The following PREX1 variants were observed in gnomAD, a reference collection of about 807,000 sequenced individuals.
The protein encoded by PREX1 is phosphatidylinositol-3,4,5-trisphosphate dependent Rac exchange factor 1.
PREX1 carries 41 observed loss-of-function variants against 198.3 expected under a neutral mutation model. The observed-to-expected ratio is 0.21, with a 90% CI of 0.16 to 0.27. The LOEUF (loss-of-function observed/expected upper bound fraction) is 0.27, where lower values mean the gene tolerates loss of function less well. PREX1 is among the 10% of genes least tolerant of loss of function. The pLI is 1.00. For synonymous variants in PREX1, 843 were observed against 887.2 expected (o/e 0.95, Z 0.89); for missense variants, 1,620 against 2,200.7 (o/e 0.74, Z 5.28).
At position 48,772,713 on chromosome 20, in the gene PREX1, T is replaced by A. The variant is rs2090242438; in HGVS notation, c.220-24833A>T. Reference sequence around the variant, plus strand: ...GAGGAAGGGGCAGAGCAGGCTGGGCTAGGACTCACCCTGTCCACTGCCGTC... The same window carrying A: ...GAGGAAGGGGCAGAGCAGGCTGGGCAAGGACTCACCCTGTCCACTGCCGTC... On this transcript the variant is annotated intron_variant, in intron 1 of 39. Transcript: ENST00000371941. 6.6e-5 allele frequency among the ~76,000 whole-genome samples: 10 copies of A among 152,290 alleles called. No homozygotes were observed. The South Asian group carries it at 2.1e-3, about 32-fold the overall frequency.
At chr20:48,811,511 T>C (rs567372575) in intron 1 of PREX1, among the ~76,000 whole-genome samples, 27 of 152,092 alleles carry the variant, frequency 1.8e-4, no homozygotes, top group Middle Eastern at 6.8e-3. Flanking sequence ...CAATGACTTC[T>C]GACCAGAGTT....
At chr20:48,626,003 T>C in intron 39 of PREX1, 76 bp from the exon 40 acceptor site, 1 of 1,395,356 alleles carries the variant, frequency 7.2e-7, no homozygotes, top group East Asian at 2.9e-5. Context: ...CATTTTTACC[T>C]GAACATGTAA....
At chr20:48,637,460 G>A (rs560152001) in intron 31 of PREX1, among the ~76,000 whole-genome samples, 33 of 152,332 alleles carry the variant, frequency 2.2e-4, no homozygotes, top group African/African-American at 7.0e-4. Context: ...CCCTAACATC[G>A]TCCTCTATCC....
chr20:48,701,860 C>T lies in PREX1; in HGVS notation c.784-974G>A, dbSNP rs967894875. ...AGTTCACTGAATGTCAGTGAGGTTC[C>T]GGGCAGCGTGGCTGGGAAAGGCATC... On this transcript the variant is annotated intron_variant, in intron 6 of 39. Transcript: ENST00000371941. Among the ~76,000 whole-genome samples, 6 of 152,042 alleles carry T rather than the reference C, an allele frequency of 3.9e-5. No individual in the cohort carries two copies. In the East Asian group the frequency reaches 5.8e-4, roughly 15 times the overall value.
intron 1 of PREX1, among the ~76,000 whole-genome samples, chr20:48,792,851 C>T (rs540918702): frequency 2.3e-4 from 33 of 145,562 alleles, no homozygotes; most frequent in African/African-American, 8.9e-4. Flanking sequence ...CACACACACA[C>T]ACATAGTATG....
At chr20:48,640,394 A>G (rs1413999054) in intron 29 of PREX1, among the ~76,000 whole-genome samples, 1 of 152,214 alleles carries the variant, frequency 6.6e-6, no homozygotes, top group Non-Finnish European at 1.5e-5. Context: ...TGGCCCCACC[A>G]TTCAGAGGCC....
At chr20:48,807,623 G>C (rs1189656646) in intron 1 of PREX1, among the ~76,000 whole-genome samples, 3 of 152,008 alleles carry the variant, frequency 2.0e-5, no homozygotes, top group African/African-American at 7.3e-5. Flanking sequence ...CTGAATCAAA[G>C]GGTATCGTGG....
intron 5 of PREX1, among the ~76,000 whole-genome samples, chr20:48,715,874 CTAT>C (rs1351338980): frequency 2.0e-5 from 3 of 152,126 alleles, no homozygotes; most frequent in Non-Finnish European, 4.4e-5. Context: ...GAGGTGGGTA[CTAT>C]TATCATCCCA....
At chr20:48,845,090 T>C in the PREX1 span, among the ~76,000 whole-genome samples, 2 of 152,240 alleles carry the variant, frequency 1.3e-5, no homozygotes, top group Non-Finnish European at 2.9e-5. Flanking sequence ...CAAGTCTTTT[T>C]TCCATTCCTT....
intron 1 of PREX1, among the ~76,000 whole-genome samples, chr20:48,773,170 G>A (rs1174549182): frequency 1.3e-5 from 2 of 150,486 alleles, no homozygotes; most frequent in African/African-American, 2.4e-5. Context: ...GGGAGGCTGA[G>A]GCAGGAGAAT....
the PREX1 span, among the ~76,000 whole-genome samples, chr20:48,878,471 C>G: frequency 1.3e-5 from 2 of 152,076 alleles, no homozygotes; most frequent in Non-Finnish European, 2.9e-5. Context: ...TCCCGAGTAG[C>G]TGGGATTACA....
upstream of PREX1, among the ~76,000 whole-genome samples, chr20:48,830,512 T>C (rs941409267): frequency 6.6e-6 from 1 of 152,174 alleles, no homozygotes; most frequent in Non-Finnish European, 1.5e-5. Context: ...TCTCAGCCCA[T>C]GACCAAGGAA....
chr20:48,885,611 T>C, the PREX1 span, among the ~76,000 whole-genome samples: 2 of 151,666 alleles, frequency 1.3e-5, no homozygotes, highest in African/African-American at 4.8e-5. Context: ...ATCATGTTTA[T>C]AGCAGCTTTA....
At chr20:48,814,236 T>C (rs900668273) in intron 1 of PREX1, among the ~76,000 whole-genome samples, 5 of 152,238 alleles carry the variant, frequency 3.3e-5, no homozygotes. Context: ...CAGTCCCCAT[T>C]AAGTGCTAAT....
intron 5 of PREX1, among the ~76,000 whole-genome samples, chr20:48,713,247 T>C (rs2123099168): frequency 6.6e-6 from 1 of 152,202 alleles, no homozygotes; most frequent in Admixed American, 6.5e-5. Context: ...AGGTAAGGAC[T>C]TCAAGACCAG....
chr20:48,641,824 AAGAGAGAG>A (rs1173427956), intron 29 of PREX1, among the ~76,000 whole-genome samples: 1 of 114,888 alleles, frequency 8.7e-6, no homozygotes, highest in Non-Finnish European at 1.7e-5. Context: ...GAAAGAAAGA[AAGAGAGAG>A]AGAGAGAGAG....
intron 1 of PREX1, among the ~76,000 whole-genome samples, chr20:48,790,949 A>G (rs563558315): frequency 1.5e-4 from 23 of 152,116 alleles, no homozygotes; most frequent in African/African-American, 4.6e-4. Context: ...CACCCTCCCC[A>G]GTCAACTGAA....
At chr20:48,781,092 G>C (rs2090287749) in intron 1 of PREX1, among the ~76,000 whole-genome samples, 1 of 152,184 alleles carries the variant, frequency 6.6e-6, no homozygotes, top group Non-Finnish European at 1.5e-5. Flanking sequence ...GGCAAAGAAA[G>C]ACTGGGGAAC....
intron 4 of PREX1, among the ~76,000 whole-genome samples, chr20:48,728,928 T>C (rs963263675): frequency 1.3e-5 from 2 of 152,180 alleles, no homozygotes; most frequent in African/African-American, 4.8e-5. Context: ...TGAGAAGTCC[T>C]TAAATGCTCA....
Sources: allele counts gnomAD v4.1 joint callset (sites outside exome capture counted in the v4.1 genomes callset), GRCh38; gene constraint gnomAD v4.1.1; transcripts MANE v1.5; gene names NCBI Gene and HGNC (gene_info 2026-07-23, HGNC 2026-07-21).